The following MGRN1 variants were observed in gnomAD, a reference collection of about 807,000 sequenced individuals.
MGRN1 encodes mahogunin ring finger 1.
In MGRN1, 29 loss-of-function variants were observed where a neutral mutation model predicts 69.2. That is an observed-to-expected ratio of 0.42 (90% confidence interval 0.31 to 0.57). The LOEUF is 0.57. Ranked by LOEUF, MGRN1 falls within the 20% of genes least tolerant of loss-of-function variation. The pLI, the probability that MGRN1 is intolerant of heterozygous loss-of-function variation, is 0.15. For missense variants in MGRN1, 998 were observed against 796.2 expected, an observed-to-expected ratio of 1.25 and a Z score of -3.05; for synonymous variants, 470 against 344.2, an observed-to-expected ratio of 1.37 and a Z score of -4.04.
At chr16:4,674,646 T>C (rs1596309380) in intron 10 of MGRN1, among the ~76,000 whole-genome samples, 1 of 125,014 alleles carries the variant, frequency 8.0e-6, no homozygotes, top group Admixed American at 8.2e-5. Flanking sequence ...TTTTTTTTTT[T>C]TTTTTGAGAC....
At chr16:4,670,318 C>T (rs890691686) in intron 8 of MGRN1, among the ~76,000 whole-genome samples, 1 of 152,260 alleles carries the variant, frequency 6.6e-6, no homozygotes, top group Non-Finnish European at 1.5e-5. Flanking sequence ...TCCCAGCTTA[C>T]TGTAGCCTCC....
chr16:4,625,243 C>CT (rs1567159265), intron 1 of MGRN1, among the ~76,000 whole-genome samples, 195 bp downstream of exon 1: 9 of 152,190 alleles, frequency 5.9e-5, no homozygotes, highest in African/African-American at 2.2e-4. Flanking sequence ...CTGCCCGAGC[C>CT]GTACCTGGCG....
intron 16 of MGRN1, chr16:4,688,002 C>G: frequency 1.0e-6 from 1 of 985,426 alleles, no homozygotes; most frequent in Non-Finnish European, 1.2e-6. Context: ...CGATTCAGGT[C>G]AAGCTTCCGG....
chr16:4,656,876 AT>A (rs1165471792), intron 4 of MGRN1, among the ~76,000 whole-genome samples: 2 of 144,264 alleles, frequency 1.4e-5, no homozygotes, highest in African/African-American at 5.1e-5. Flanking sequence ...CGAGACTCTT[AT>A]CTCAAAAATA....
intron 12 of MGRN1, chr16:4,680,351 G>A (rs554690529): frequency 5.2e-5 from 25 of 481,586 alleles, no homozygotes; most frequent in African/African-American, 1.4e-4. Context: ...CGTGGCCCCC[G>A]TGCCGTTTCC....
At chr16:4,676,553 G>C (rs1253607892) in intron 10 of MGRN1, among the ~76,000 whole-genome samples, 1 of 152,190 alleles carries the variant, frequency 6.6e-6, no homozygotes, top group Non-Finnish European at 1.5e-5. Flanking sequence ...CCTCACAGGC[G>C]CCCGAGGGCA....
Position 4,671,373 on chromosome 16 carries a change from C to G in MGRN1, c.727-18C>G. The G allele has an allele frequency of 6.2e-7, 1 of 1,613,396 alleles. No homozygotes were observed. The highest frequency in any genetic ancestry group is 8.5e-7 in the Non-Finnish European group (1 of 1,179,382). On this transcript the variant is annotated intron_variant, in intron 8 of 16. Coordinates refer to ENST00000262370, the MANE Select transcript of MGRN1 (RefSeq NM_015246.4). The stretch of plus-strand genomic sequence containing the variant: ...TGGCAGTTGGCGAGGGCCCAGTGAG[C>G]CCCTCTCTGCTCTCCAGGTGGACCG...
intron 6 of MGRN1, 28 bp downstream of exon 6, chr16:4,664,803 G>C: frequency 6.2e-7 from 1 of 1,612,948 alleles, no homozygotes; most frequent in Non-Finnish European, 8.5e-7. Context: ...CGTCCTCCTG[G>C]GCGTGCAGGC....
intron 1 of MGRN1, among the ~76,000 whole-genome samples, chr16:4,635,816 T>TA (rs1898258379): frequency 6.7e-6 from 1 of 150,198 alleles, no homozygotes; most frequent in African/African-American, 2.5e-5. Context: ...TTTTTTTTTT[T>TA]TTTTGTATAT....
At chr16:4,666,888 C>T (rs2078817474) in intron 7 of MGRN1, among the ~76,000 whole-genome samples, 2 of 152,206 alleles carry the variant, frequency 1.3e-5, no homozygotes, top group Admixed American at 6.5e-5. Flanking sequence ...AGCAGACACT[C>T]AGAACACTGG....
Position 4,682,966 on chromosome 16 carries a change from G to A in MGRN1, c.1482+20G>A. 1.3e-6 allele frequency: 2 copies of A among 1,535,158 alleles called. No homozygotes were observed. Among genetic ancestry groups the A allele is most frequent in the East Asian group, 2.3e-5 (1 of 42,688 alleles). On this transcript the variant is annotated intron_variant, in intron 14 of 16. Coordinates refer to ENST00000262370, the MANE Select transcript of MGRN1 (RefSeq NM_015246.4). ...CCTGAGGTGAGGCCCCCCCGGGGAA[G>A]CTTTGCGCACCCGCCCGGGCCAGCC... is the stretch of plus-strand genomic sequence containing the variant.
intron 1 of MGRN1, among the ~76,000 whole-genome samples, chr16:4,644,032 A>G (rs1366885226): frequency 2.0e-5 from 3 of 150,776 alleles, no homozygotes; most frequent in African/African-American, 7.4e-5. Context: ...GAGTGGAGTG[A>G]GGTGGTGCAA....
At chr16:4,657,985 G>T (rs113781324) in intron 5 of MGRN1, among the ~76,000 whole-genome samples, 1 of 150,738 alleles carries the variant, frequency 6.6e-6, no homozygotes, top group Non-Finnish European at 1.5e-5. Context: ...CTTGTGATCC[G>T]CCGGCCTCGG....
chr16:4,643,617 C>T (rs541321717), intron 1 of MGRN1, among the ~76,000 whole-genome samples: 2 of 152,220 alleles, frequency 1.3e-5, no homozygotes, highest in Non-Finnish European at 2.9e-5. Flanking sequence ...CGTGATCCAC[C>T]TGCCTTGGCC....
At chr16:4,675,581 G>A (rs1288299504) in intron 10 of MGRN1, among the ~76,000 whole-genome samples, 3 of 152,020 alleles carry the variant, frequency 2.0e-5, no homozygotes, top group Non-Finnish European at 4.4e-5. Flanking sequence ...TGTACAAAAA[G>A]TTAAAAGTTA....
intron 15 of MGRN1, 46 bp from the exon 16 acceptor site, chr16:4,683,797 A>G (rs2141982561): frequency 3.2e-6 from 5 of 1,569,928 alleles, no homozygotes; most frequent in Non-Finnish European, 4.4e-6. Flanking sequence ...ACCTGCCGGG[A>G]CCTGGCCCCT....
At chr16:4,668,222 G>T (rs769268417) in intron 7 of MGRN1, 43 bp from the exon 8 acceptor site, 7 of 1,599,722 alleles carry the variant, frequency 4.4e-6, no homozygotes, top group South Asian at 2.2e-5. Flanking sequence ...GCTCAGAGGC[G>T]CCAGCTTGAC....
At chr16:4,653,003 G>C (rs186473986) in intron 4 of MGRN1, among the ~76,000 whole-genome samples, 179 bp downstream of exon 4, 20 of 152,170 alleles carry the variant, frequency 1.3e-4, no homozygotes, top group Admixed American at 1.3e-3. Context: ...ACTTTTCTGC[G>C]GGAACCAGCT....
chr16:4,677,426 T>C, intron 10 of MGRN1, 37 bp from the exon 11 acceptor site: 3 of 1,479,556 alleles, frequency 2.0e-6, no homozygotes, highest in Non-Finnish European at 9.0e-7. Context: ...GCTGGGTGTG[T>C]CGCCTGGGCC....
Sources: gnomAD v4.1 joint callset for allele counts (sites outside exome capture counted in the v4.1 genomes callset) on GRCh38, gnomAD v4.1.1 for gene constraint, MANE v1.5 for transcripts, NCBI Gene and HGNC (gene_info 2026-07-23, HGNC 2026-07-21) for gene names.